MSH3: variants seen among roughly 807,000 people sequenced by gnomAD.
MSH3 encodes the protein mutS homolog 3.
A neutral mutation model predicts 123.3 loss-of-function variants in MSH3; 106 were observed. The ratio of observed to expected loss-of-function variants is 0.86; its 90% CI spans 0.73 to 1.01. The LOEUF is 1.01. Ranked by LOEUF, MSH3 falls within the 50% of genes least tolerant of loss-of-function variation. The probability of loss-of-function intolerance (pLI) is 0.00; values close to 1 mark genes in which losing one functional copy is unlikely to be tolerated. For missense variants in MSH3, 1,459 were observed against 1,347.6 expected, an observed-to-expected ratio of 1.08 and a Z score of -1.29; for synonymous variants, 515 against 481.4, an observed-to-expected ratio of 1.07 and a Z score of -0.91.
chr5:80,746,543 C>T (rs895368932), intron 12 of MSH3: 33 of 440,818 alleles, frequency 7.5e-5, no homozygotes, highest in South Asian at 3.4e-4. Flanking sequence ...ATTCCTTGAT[C>T]GACTTTCAGG....
intron 9 of MSH3, 56 bp downstream of exon 9, chr5:80,725,621 G>A (rs1428640511): frequency 1.2e-5 from 14 of 1,179,140 alleles, no homozygotes; most frequent in African/African-American, 3.0e-5. Flanking sequence ...TTGGATAAAG[G>A]TATTAGTATG....
intron 23 of MSH3, among the ~76,000 whole-genome samples, chr5:80,875,365 A>T (rs1167150572): frequency 6.6e-6 from 1 of 152,026 alleles, no homozygotes; most frequent in African/African-American, 2.4e-5. Context: ...CTCTTTAATT[A>T]GCTTCATTGT....
At chr5:80,656,675 A>G (rs1017523899) in intron 2 of MSH3, 144 bp downstream of exon 2, 6 of 1,057,490 alleles carry the variant, frequency 5.7e-6, no homozygotes, top group Non-Finnish European at 7.0e-6. Flanking sequence ...GTGGCCCCCT[A>G]TAGGTGATGG....
chr5:80,854,143 G>T lies in MSH3; in HGVS notation c.2827G>T (p.Asp943Tyr). The T allele has an allele frequency of 6.2e-7, 1 of 1,613,528 alleles. No individual in the cohort carries two copies. Among genetic ancestry groups the T allele is most frequent in the South Asian group, 1.1e-5 (1 of 91,042 alleles). Residue 943 changes from aspartate (D) to tyrosine (Y), a missense_variant, in exon 21 of 24, where the codon GAC (aspartate) becomes TAC (tyrosine). Transcript: ENST00000265081. ...TCTTGCTTGTAGGATGGGTGCTGCAGACAATATATATAAAGGACAGAGTAC... is the reference window on the plus strand; with the variant it reads ...TCTTGCTTGTAGGATGGGTGCTGCATACAATATATATAAAGGACAGAGTAC... ...DGIFTRMGAADNIYKGQSTFM... is the reference protein window; with the variant it reads ...DGIFTRMGAAYNIYKGQSTFM...
intron 20 of MSH3, among the ~76,000 whole-genome samples, chr5:80,840,609 A>C (rs1335474501): frequency 4.0e-5 from 6 of 151,852 alleles, no homozygotes; most frequent in African/African-American, 1.5e-4. Flanking sequence ...TGTTGTTTTT[A>C]TTATACTTTA....
In MSH3 at chr5:80,722,682, GA is replaced by G. The variant is rs1580585587; in HGVS notation, c.1341-2770del. ...ACCAAAGCTGTATAAAACCTTCATG[GA>G]GGAAATTACAGAACATTACTGTTGG... On this transcript the variant is annotated intron_variant, in intron 8 of 23. Coordinates refer to ENST00000265081, the MANE Select transcript of MSH3 (RefSeq NM_002439.5). 1.3e-5 allele frequency among the ~76,000 whole-genome samples: 2 copies of G among 152,162 alleles called. 1 individual carries two copies. Among genetic ancestry groups the G allele is most frequent in the African/African-American group, 4.8e-5 (2 of 41,420 alleles).
chr5:80,853,989 GTTTAA>G (rs960234142), intron 20 of MSH3, 136 bp from the exon 21 acceptor site: 7 of 696,836 alleles, frequency 1.0e-5, no homozygotes, highest in South Asian at 3.7e-5. Flanking sequence ...GTTTTCTTTT[GTTTAA>G]TTTAATTTGA....
At chr5:80,686,783 T>C (rs924667270) in intron 8 of MSH3, among the ~76,000 whole-genome samples, 5 of 152,176 alleles carry the variant, frequency 3.3e-5, no homozygotes, top group Admixed American at 1.3e-4. Context: ...TTTTTTCTTA[T>C]GCTATATACC....
At chr5:80,866,601 G>A (rs948187762) in intron 22 of MSH3, among the ~76,000 whole-genome samples, 3 of 152,194 alleles carry the variant, frequency 2.0e-5, no homozygotes, top group African/African-American at 4.8e-5. Context: ...AGTAATATCC[G>A]TATTTTCATG....
At chr5:80,668,516 C>A in intron 3 of MSH3, among the ~76,000 whole-genome samples, 1 of 152,150 alleles carries the variant, frequency 6.6e-6, no homozygotes, top group East Asian at 1.9e-4. Flanking sequence ...CAGAGGGGGC[C>A]GAGGCAGCAG....
intron 13 of MSH3, among the ~76,000 whole-genome samples, chr5:80,763,906 T>C (rs1266933160): frequency 1.3e-5 from 2 of 152,274 alleles, no homozygotes; most frequent in Non-Finnish European, 2.9e-5. Flanking sequence ...TTTCAAAATA[T>C]AGTTTACTAA....
chr5:80,716,868 A>G (rs1261455882), intron 8 of MSH3, among the ~76,000 whole-genome samples: 2 of 152,130 alleles, frequency 1.3e-5, no homozygotes, highest in African/African-American at 2.4e-5. Flanking sequence ...CCAGCTTCTC[A>G]TTACCTCCCT....
chr5:80,691,504 TCTC>T (rs1406405970), intron 8 of MSH3, among the ~76,000 whole-genome samples: 1 of 150,786 alleles, frequency 6.6e-6, no homozygotes, highest in Non-Finnish European at 1.5e-5. Context: ...AGATATCAGT[TCTC>T]CTTAATATAA....
chr5:80,771,962 T>C (rs776401663), intron 15 of MSH3, among the ~76,000 whole-genome samples: 1 of 152,208 alleles, frequency 6.6e-6, no homozygotes, highest in Non-Finnish European at 1.5e-5. Flanking sequence ...ATGTATTATG[T>C]AATGAACGTA....
chr5:80,741,535 T>C lies in MSH3; in HGVS notation c.1640T>C (p.Ile547Thr), dbSNP rs1044544597. The change falls in exon 11 of 24, where the codon ATC (isoleucine) becomes ACC (threonine). Residue 547 changes from isoleucine to threonine, a missense_variant. Ile to Thr is a moderately conservative substitution (Grantham distance 89, BLOSUM62 -1). Transcript: ENST00000265081. The stretch of plus-strand genomic sequence containing the variant: ...GGAACAACATTAAGGAATCTGGAAA[T>C]CCTACAGAATCAGGTCAGGCAAATA... The part of the protein sequence containing the change: ...INGTTLRNLE[I>T]LQNQTDMKTK... 6 of 1,609,454 alleles carry C rather than the reference T, an allele frequency of 3.7e-6. No homozygotes were observed. The highest frequency in any genetic ancestry group is 5.1e-6 in the Non-Finnish European group (6 of 1,175,826).
chr5:80,693,815 G>A (rs1165647694), intron 8 of MSH3, among the ~76,000 whole-genome samples: 4 of 151,876 alleles, frequency 2.6e-5, no homozygotes, highest in Admixed American at 2.6e-4. Context: ...GTGTCACCAC[G>A]CCTGGCTAAT....
chr5:80,728,961 C>A lies in MSH3; in HGVS notation c.1564C>A (p.Pro522Thr). ...EFNLEKMLSK[P>T]ENFKQLSSKM... ...CAACTTGGAAAAGATGCTCTCCAAA[C>A]CTGAGTAAGTGATTCCTCCAAAATT... The change falls in exon 10 of 24, where the codon CCT (proline) becomes ACT (threonine). Residue 522 changes from proline to threonine, a missense_variant. Coordinates refer to ENST00000265081, the MANE Select transcript of MSH3 (RefSeq NM_002439.5). 1 of 1,550,698 alleles carries A rather than the reference C, an allele frequency of 6.4e-7. No homozygotes were observed. Among genetic ancestry groups the A allele is most frequent in the Non-Finnish European group, 8.9e-7 (1 of 1,122,886 alleles).
At chr5:80,776,467 T>C (rs183941700) in intron 16 of MSH3, among the ~76,000 whole-genome samples, 2 of 152,312 alleles carry the variant, frequency 1.3e-5, no homozygotes, top group East Asian at 3.9e-4. Flanking sequence ...GAGCTCCACA[T>C]TTCTTTATTC....
intron 8 of MSH3, among the ~76,000 whole-genome samples, chr5:80,713,787 C>A (rs1455327497): frequency 1.4e-5 from 1 of 70,018 alleles, no homozygotes; most frequent in African/African-American, 7.3e-5. Flanking sequence ...GTTCTTGTCG[C>A]CTGCTATTCT....
Sources: allele counts gnomAD v4.1 joint callset (sites outside exome capture counted in the v4.1 genomes callset), GRCh38; gene constraint gnomAD v4.1.1; transcripts MANE v1.5; gene names NCBI Gene and HGNC (gene_info 2026-07-23, HGNC 2026-07-21).